FGF14: variants seen among roughly 807,000 people sequenced by gnomAD.
FGF14 encodes the protein fibroblast growth factor 14, also known as fibroblast growth factor homologous factor 4.
FGF14 carries 5 observed loss-of-function variants against 25.5 expected under a neutral mutation model. That is an observed-to-expected ratio of 0.20 (90% CI 0.10 to 0.41). FGF14 has a LOEUF of 0.41. Ranked by LOEUF, FGF14 falls within the 10% of genes least tolerant of loss-of-function variation. The probability of loss-of-function intolerance (pLI) is 1.00; values close to 1 mark genes in which losing one functional copy is unlikely to be tolerated. For synonymous variants in FGF14, 138 were observed against 118.3 expected (o/e 1.17, Z -1.08); for missense variants, 222 against 320.1 (o/e 0.69, Z 2.34).
At chr13:102,401,996 G>T, upstream of FGF14, 1 of 398,016 alleles carries the variant, frequency 2.5e-6, no homozygotes, top group Non-Finnish European at 4.6e-6. Context: ...AGGCAAAGCA[G>T]GATTCATCTT....
chr13:102,001,883 C>A (rs545977616), intron 1 of FGF14, among the ~76,000 whole-genome samples: 159 of 152,308 alleles, frequency 1.0e-3, no homozygotes, highest in South Asian at 3.9e-3. Flanking sequence ...TCCTGTGCCC[C>A]TCATTTAGGT....
intron 1 of FGF14, among the ~76,000 whole-genome samples, chr13:102,199,456 G>T (rs1263791026): frequency 6.6e-6 from 1 of 152,156 alleles, no homozygotes; most frequent in Non-Finnish European, 1.5e-5. Flanking sequence ...AATGAGCCAG[G>T]TACTTTTGTG....
intron 1 of FGF14, among the ~76,000 whole-genome samples, chr13:102,256,101 A>C (rs555331536): frequency 6.6e-6 from 1 of 152,348 alleles, no homozygotes; most frequent in East Asian, 1.9e-4. Flanking sequence ...ACTCTAAATC[A>C]GGATGGAGCA....
At chr13:102,344,391 T>C (rs553914534) in intron 1 of FGF14, among the ~76,000 whole-genome samples, 1 of 152,350 alleles carries the variant, frequency 6.6e-6, no homozygotes, top group African/African-American at 2.4e-5. Context: ...GGGTAAAGAA[T>C]ACCTATGTTT....
At chr13:101,887,029 A>C (rs565944743) in intron 1 of FGF14, among the ~76,000 whole-genome samples, 65 of 152,228 alleles carry the variant, frequency 4.3e-4, no homozygotes, top group Non-Finnish European at 8.7e-4. Flanking sequence ...CTATAATCAA[A>C]ATGAGGAAAA....
intron 3 of FGF14, among the ~76,000 whole-genome samples, chr13:101,853,608 CT>C (rs1345119180): frequency 6.6e-6 from 1 of 151,880 alleles, no homozygotes; most frequent in Admixed American, 6.6e-5. Context: ...ACTACCACAC[CT>C]GGATAATATT....
At chr13:101,881,681 C>T (rs1440246612) in intron 1 of FGF14, among the ~76,000 whole-genome samples, 1 of 152,100 alleles carries the variant, frequency 6.6e-6, no homozygotes, top group Admixed American at 6.6e-5. Flanking sequence ...TATATTGTGC[C>T]AGGAATTCCT....
chr13:102,242,565 C>A (rs4772456), intron 1 of FGF14, among the ~76,000 whole-genome samples: 1 of 151,944 alleles, frequency 6.6e-6, no homozygotes, highest in Non-Finnish European at 1.5e-5. Context: ...ATCCATTCCA[C>A]GAATATGAGC....
chr13:102,071,412 A>T (rs2043148735), intron 1 of FGF14, among the ~76,000 whole-genome samples: 1 of 152,226 alleles, frequency 6.6e-6, no homozygotes, highest in Non-Finnish European at 1.5e-5. Context: ...ACTCAATTTT[A>T]GATTGATGAC....
At chr13:101,827,606 C>G (rs183549361) in intron 3 of FGF14, among the ~76,000 whole-genome samples, 109 of 151,818 alleles carry the variant, frequency 7.2e-4, no homozygotes, top group Middle Eastern at 3.6e-3. Flanking sequence ...TTCATTACTT[C>G]AATTATTTTT....
chr13:102,267,762 C>T (rs1486628166), intron 1 of FGF14, among the ~76,000 whole-genome samples: 1 of 151,996 alleles, frequency 6.6e-6, no homozygotes, highest in Non-Finnish European at 1.5e-5. Context: ...TGGTATTTTA[C>T]AATCATGTAA....
chr13:102,091,702 G>A (rs657535), intron 1 of FGF14, among the ~76,000 whole-genome samples: 64,607 of 151,676 alleles, frequency 0.43, 14,694 homozygotes, highest in Non-Finnish European at 0.51. Flanking sequence ...ACCTTCCCTC[G>A]AAGTTTTTTG....
At chr13:102,100,965 G>C (rs2140284579) in intron 1 of FGF14, among the ~76,000 whole-genome samples, 1 of 152,290 alleles carries the variant, frequency 6.6e-6, no homozygotes, top group East Asian at 1.9e-4. Context: ...CAGGCATGAT[G>C]GTGGGTGCCT....
At chr13:101,953,866 A>G (rs1415736437) in intron 1 of FGF14, among the ~76,000 whole-genome samples, 1 of 152,106 alleles carries the variant, frequency 6.6e-6, no homozygotes, top group Admixed American at 6.6e-5. Flanking sequence ...CTGGGGTTAC[A>G]GGAGTGAGTC....
intron 1 of FGF14, among the ~76,000 whole-genome samples, chr13:102,043,917 T>C (rs1032173370): frequency 3.3e-5 from 5 of 152,204 alleles, no homozygotes; most frequent in Non-Finnish European, 5.9e-5. Context: ...TGCTGCACCA[T>C]CCTTGTACAA....
chr13:101,973,259 T>C (rs1448772927), intron 1 of FGF14, among the ~76,000 whole-genome samples: 6 of 152,252 alleles, frequency 3.9e-5, no homozygotes, highest in Middle Eastern at 3.4e-3. Context: ...CCAGAGGTCG[T>C]AGTCATGGAA....
chr13:102,004,362 A>T (rs2039667982), intron 1 of FGF14, among the ~76,000 whole-genome samples: 1 of 152,168 alleles, frequency 6.6e-6, no homozygotes, highest in East Asian at 1.9e-4. Context: ...ATCAGACCAG[A>T]CTGGAATGTA....
At chr13:102,159,361 G>A (rs573907038) in intron 1 of FGF14, among the ~76,000 whole-genome samples, 7 of 152,148 alleles carry the variant, frequency 4.6e-5, no homozygotes, top group Admixed American at 6.5e-5. Flanking sequence ...AAGATGAATC[G>A]GTTTTCTCCA....
At chr13:101,992,359 G>C (rs1333708540) in intron 1 of FGF14, among the ~76,000 whole-genome samples, 1 of 152,022 alleles carries the variant, frequency 6.6e-6, no homozygotes, top group Non-Finnish European at 1.5e-5. Context: ...TCATATTAAA[G>C]GGCCATTGAC....
Sources: gnomAD v4.1 joint callset for allele counts (sites outside exome capture counted in the v4.1 genomes callset) on GRCh38, gnomAD v4.1.1 for gene constraint, MANE v1.5 for transcripts, NCBI Gene and HGNC (gene_info 2026-07-23, HGNC 2026-07-21) for gene names.